The following ATP8A1 variants were observed in gnomAD, a reference collection of about 807,000 sequenced individuals.
The protein encoded by ATP8A1 is ATPase phospholipid transporting 8A1.
In ATP8A1, 90 loss-of-function variants were observed where a neutral mutation model predicts 177.7. The observed-to-expected ratio is 0.51, with a 90% CI of 0.43 to 0.60. The LOEUF is 0.60. ATP8A1 is among the 20% of genes least tolerant of loss of function. The probability of loss-of-function intolerance (pLI) is 0.00; values close to 1 mark genes in which losing one functional copy is unlikely to be tolerated. For synonymous variants in ATP8A1, 493 were observed against 485.9 expected, an observed-to-expected ratio of 1.01 and a Z score of -0.19; for missense variants, 1,072 against 1,392.8, an observed-to-expected ratio of 0.77 and a Z score of 3.67.
Position 42,507,044 on chromosome 4 carries a change from C to A in ATP8A1, c.2058G>T (p.Gly686=). The change falls in exon 23 of 37, where the codon GGG becomes GGT. Residue 686 remains glycine (G), a synonymous_variant. Transcript: ENST00000381668. ...KADIKIWILT[G]DKQETAINIG... Reference sequence around the variant, plus strand: ...TGTTAATGGCAGTTTCTTGCTTGTCCCCTGTAAGGATCCAGATTTTGATGT... The same window carrying A: ...TGTTAATGGCAGTTTCTTGCTTGTCACCTGTAAGGATCCAGATTTTGATGT... The A allele has an allele frequency of 6.2e-7, 1 of 1,613,962 alleles. No individual in the cohort carries two copies.
chr4:42,576,481 A>C (rs1358435574), intron 12 of ATP8A1, among the ~76,000 whole-genome samples: 1 of 143,556 alleles, frequency 7.0e-6, no homozygotes, highest in African/African-American at 2.5e-5. Flanking sequence ...GTCTCAAAAA[A>C]AAAAAAAAAA....
intron 5 of ATP8A1, among the ~76,000 whole-genome samples, chr4:42,609,239 C>G (rs754305807): frequency 6.6e-6 from 1 of 152,160 alleles, no homozygotes; most frequent in African/African-American, 2.4e-5. Flanking sequence ...TGGGGCCCCA[C>G]TCCAGGCCTA....
intron 1 of ATP8A1, among the ~76,000 whole-genome samples, chr4:42,655,792 A>T (rs1423365618): frequency 1.3e-5 from 2 of 152,192 alleles, no homozygotes; most frequent in Non-Finnish European, 2.9e-5. Flanking sequence ...CCATCCCTGA[A>T]ATCCAATTCT....
chr4:42,549,090 A>G (rs567167397), intron 18 of ATP8A1, 28 bp from the exon 19 acceptor site: 1 of 1,558,900 alleles, frequency 6.4e-7, no homozygotes, highest in Non-Finnish European at 8.8e-7. Flanking sequence ...ATATAATTAC[A>G]TACAGTTGGA....
chr4:42,515,980 A>ACATT (rs1184836774), intron 22 of ATP8A1, among the ~76,000 whole-genome samples: 20 of 152,238 alleles, frequency 1.3e-4, no homozygotes, highest in African/African-American at 4.6e-4. Context: ...CACATTTGAT[A>ACATT]CCAGTGCCTT....
Position 42,569,150 on chromosome 4 carries a change from A to C in ATP8A1, c.1340+11T>G, listed in dbSNP as rs201941749. 1 of 1,596,090 alleles carries C rather than the reference A, an allele frequency of 6.3e-7. No homozygotes were observed. Among genetic ancestry groups the C allele is most frequent in the South Asian group, 1.1e-5 (1 of 88,598 alleles). On this transcript the variant is annotated intron_variant, in intron 15 of 36. Coordinates refer to ENST00000381668, the MANE Select transcript of ATP8A1 (RefSeq NM_006095.2). ...AGGGATCAATGAGGCAGAAAGTTCC[A>C]TAGAGCTTACCATTCATCAGGAGAG... is the stretch of plus-strand genomic sequence containing the variant.
intron 20 of ATP8A1, among the ~76,000 whole-genome samples, chr4:42,532,459 C>G (rs1727369485): frequency 1.3e-5 from 2 of 151,974 alleles, no homozygotes; most frequent in South Asian, 2.1e-4. Flanking sequence ...GTACTCCAGT[C>G]TGGGTGACAA....
intron 11 of ATP8A1, 84 bp downstream of exon 11, chr4:42,579,729 T>C: frequency 8.0e-7 from 1 of 1,248,110 alleles, no homozygotes; most frequent in Non-Finnish European, 1.1e-6. Context: ...TTAGAAACAA[T>C]ACGAAATAAA....
rs368908466 is a variant in ATP8A1 at position 42,581,591 on chromosome 4, T to G, written c.834+30A>C. ...ATCATACACTCACAAAAGCCTTAGG[T>G]CCAAAAGGTTTCATAGAGAAAAATT... is the stretch of plus-strand genomic sequence containing the variant. On this transcript the variant is annotated intron_variant, in intron 10 of 36. Coordinates refer to ENST00000381668, the MANE Select transcript of ATP8A1 (RefSeq NM_006095.2). 7 of 1,511,274 alleles carry G rather than the reference T, an allele frequency of 4.6e-6. No individual in the cohort carries two copies. In the African/African-American group the frequency reaches 9.6e-5, roughly 21 times the overall value. 93.6% of individuals were successfully genotyped at this position (1,511,274 alleles called of 1,614,324 possible). A position where few individuals can be genotyped will look rare whatever the true frequency, so the allele number is the denominator to read the frequency against.
At chr4:42,461,816 T>C (rs1719192601) in intron 27 of ATP8A1, among the ~76,000 whole-genome samples, 1 of 152,182 alleles carries the variant, frequency 6.6e-6, no homozygotes, top group Non-Finnish European at 1.5e-5. Context: ...TAGAGACTTG[T>C]TGAATGGCTT....
chr4:42,455,383 A>G lies in ATP8A1; in HGVS notation c.2731T>C (p.Phe911Leu). The G allele has an allele frequency of 6.2e-7, 1 of 1,613,960 alleles. No individual in the cohort carries two copies. The highest frequency in any genetic ancestry group is 8.5e-7 in the Non-Finnish European group (1 of 1,179,856). ...TTCTCTTTTCTGCATGATCTCTCAA[A>G]TATTCCAAGAGTTAAAGGAGGCATT... ...TAMPPLTLGIFERSCRKENML... is the reference protein window; with the variant it reads ...TAMPPLTLGILERSCRKENML... Residue 911 changes from phenylalanine to leucine, a missense_variant, in exon 29 of 37, where the codon TTT (phenylalanine) becomes CTT (leucine). Physicochemically the swap from Phe to Leu is conservative, Grantham distance 22 (BLOSUM62 0). Coordinates refer to ENST00000381668, the MANE Select transcript of ATP8A1 (RefSeq NM_006095.2).
At chr4:42,592,095 A>C (rs1734239400) in intron 6 of ATP8A1, among the ~76,000 whole-genome samples, 1 of 152,192 alleles carries the variant, frequency 6.6e-6, no homozygotes, top group Non-Finnish European at 1.5e-5. Flanking sequence ...TTGAGGAAAA[A>C]AAATACTGAA....
chr4:42,509,554 C>G (rs147007168), intron 22 of ATP8A1, among the ~76,000 whole-genome samples: 48 of 152,324 alleles, frequency 3.2e-4, no homozygotes, highest in African/African-American at 1.1e-3. Flanking sequence ...TCCTCTAAAA[C>G]CAAACTCAAA....
chr4:42,584,949 C>T (rs895699259), intron 9 of ATP8A1, among the ~76,000 whole-genome samples: 8 of 150,926 alleles, frequency 5.3e-5, no homozygotes, highest in African/African-American at 1.9e-4. Flanking sequence ...TAGGATCTGG[C>T]CCTCTATTTT....
chr4:42,422,053 A>T (rs929989968), intron 35 of ATP8A1, among the ~76,000 whole-genome samples: 1 of 152,110 alleles, frequency 6.6e-6, no homozygotes, highest in Non-Finnish European at 1.5e-5. Context: ...CAATTATACA[A>T]GGTAATTTGC....
chr4:42,537,517 C>CT (rs1727973680), intron 20 of ATP8A1, among the ~76,000 whole-genome samples: 1 of 152,074 alleles, frequency 6.6e-6, no homozygotes, highest in Non-Finnish European at 1.5e-5. Context: ...CCTAAAAACC[C>CT]TAAAAACTCC....
At chr4:42,620,930 T>G (rs1167315378) in intron 4 of ATP8A1, among the ~76,000 whole-genome samples, 2 of 152,212 alleles carry the variant, frequency 1.3e-5, no homozygotes, top group Non-Finnish European at 2.9e-5. Context: ...CATCCAACTT[T>G]CAATGTTATT....
At chr4:42,472,760 A>C (rs1010703157) in intron 25 of ATP8A1, among the ~76,000 whole-genome samples, 1 of 146,950 alleles carries the variant, frequency 6.8e-6, no homozygotes, top group Non-Finnish European at 1.5e-5. Context: ...AAAAAAAAAA[A>C]AAAAGAGAGA....
chr4:42,616,163 A>G, intron 4 of ATP8A1, 85 bp from the exon 5 acceptor site: 1 of 1,175,002 alleles, frequency 8.5e-7, no homozygotes, highest in East Asian at 2.4e-5. Flanking sequence ...AAAAAGATTT[A>G]GCTTATGTTT....
Sources: gnomAD v4.1 joint callset for allele counts (sites outside exome capture counted in the v4.1 genomes callset) on GRCh38, gnomAD v4.1.1 for gene constraint, MANE v1.5 for transcripts, NCBI Gene and HGNC (gene_info 2026-07-23, HGNC 2026-07-21) for gene names.